The following ME3 variants were observed in gnomAD, a reference collection of about 807,000 sequenced individuals.
The protein encoded by ME3 is NADP-dependent malic enzyme, mitochondrial.
A neutral mutation model predicts 68.9 loss-of-function variants in ME3; 48 were observed. The ratio of observed to expected loss-of-function variants is 0.70; its 90% CI spans 0.55 to 0.89. The LOEUF (loss-of-function observed/expected upper bound fraction) is 0.89. ME3 is among the 40% of genes least tolerant of loss of function. The pLI is 0.00. For missense variants in ME3, 675 were observed against 797.4 expected, an observed-to-expected ratio of 0.85 and a Z score of 1.85; for synonymous variants, 320 against 318.8, an observed-to-expected ratio of 1.00 and a Z score of -0.04.
At chr11:86,602,856 T>C (rs1416867688) in intron 2 of ME3, among the ~76,000 whole-genome samples, 1 of 152,144 alleles carries the variant, frequency 6.6e-6, no homozygotes, top group African/African-American at 2.4e-5. Flanking sequence ...GGGAAAGGAT[T>C]CCCTATTTAA....
chr11:86,607,028 T>C (rs528440241), intron 2 of ME3, among the ~76,000 whole-genome samples: 78 of 152,326 alleles, frequency 5.1e-4, no homozygotes, highest in African/African-American at 1.7e-3. Context: ...CTGATTTTCA[T>C]TGACACATTG....
intron 2 of ME3, among the ~76,000 whole-genome samples, chr11:86,654,838 C>G (rs200078655): frequency 2.6e-5 from 4 of 152,102 alleles, no homozygotes; most frequent in Admixed American, 2.6e-4. Context: ...GATTGTATAT[C>G]TAGAAAACCC....
At chr11:86,559,294 A>G (rs1037111632) in intron 3 of ME3, among the ~76,000 whole-genome samples, 1 of 150,840 alleles carries the variant, frequency 6.6e-6, no homozygotes, top group Admixed American at 6.6e-5. Flanking sequence ...GCCACGTACT[A>G]CTTCCTTAAC....
At chr11:86,633,778 C>G (rs1210975336) in intron 2 of ME3, among the ~76,000 whole-genome samples, 3 of 152,160 alleles carry the variant, frequency 2.0e-5, no homozygotes, top group Non-Finnish European at 4.4e-5. Context: ...ACTTCACAGA[C>G]AGAAGCATCT....
At chr11:86,525,008 AG>A (rs1311806695) in intron 4 of ME3, among the ~76,000 whole-genome samples, 1 of 152,202 alleles carries the variant, frequency 6.6e-6, no homozygotes, top group African/African-American at 2.4e-5. Flanking sequence ...GAAATGATTG[AG>A]AAAAGATGTG....
At chr11:86,629,656 T>C (rs541129922) in intron 2 of ME3, among the ~76,000 whole-genome samples, 1 of 152,320 alleles carries the variant, frequency 6.6e-6, no homozygotes, top group East Asian at 1.9e-4. Context: ...TTGGGTATCT[T>C]CTGTGTCTTG....
chr11:86,537,331 T>C (rs564483076), intron 4 of ME3, among the ~76,000 whole-genome samples: 95 of 151,062 alleles, frequency 6.3e-4, no homozygotes, highest in African/African-American at 2.2e-3. Flanking sequence ...ATATTATATA[T>C]AATATTAAAT....
At chr11:86,642,540 TTAAAA>T (rs1361005235) in intron 2 of ME3, among the ~76,000 whole-genome samples, 1 of 152,192 alleles carries the variant, frequency 6.6e-6, no homozygotes, top group Admixed American at 6.5e-5. Flanking sequence ...AATACAATTC[TTAAAA>T]TAAAGATTTG....
chr11:86,573,254 C>A (rs909473059), intron 2 of ME3, among the ~76,000 whole-genome samples: 3 of 152,050 alleles, frequency 2.0e-5, no homozygotes, highest in Admixed American at 6.6e-5. Flanking sequence ...ATGATAGTTT[C>A]CTTTGCTGTT....
intron 2 of ME3, among the ~76,000 whole-genome samples, chr11:86,650,756 T>C (rs1014541943): frequency 6.6e-6 from 1 of 152,010 alleles, no homozygotes. Flanking sequence ...TGCAGGACAG[T>C]GGGTGCAGCA....
At chr11:86,448,883 A>C (rs1367689072) in intron 10 of ME3, among the ~76,000 whole-genome samples, 1 of 152,208 alleles carries the variant, frequency 6.6e-6, no homozygotes, top group Non-Finnish European at 1.5e-5. Context: ...ACCAGTGCAA[A>C]GATGTCAGCT....
intron 2 of ME3, chr11:86,667,694 A>G (rs1214483081): frequency 6.6e-6 from 1 of 152,212 alleles, no homozygotes; most frequent in Admixed American, 6.5e-5. Flanking sequence ...TAAGACAAAT[A>G]GGAGGGGACT....
chr11:86,515,542 CTG>C (rs1185796828), intron 4 of ME3, among the ~76,000 whole-genome samples: 2 of 152,160 alleles, frequency 1.3e-5, no homozygotes, highest in Non-Finnish European at 2.9e-5. Flanking sequence ...ACGGGAATGA[CTG>C]TGAGAATCAA....
At position 86,618,556 on chromosome 11, in the gene ME3, T is replaced by C. The variant is rs531044624; in HGVS notation, c.183+53206A>G. Among the ~76,000 whole-genome samples the C allele has an allele frequency of 9.2e-5, 14 of 152,192 alleles. No individual in the cohort carries two copies. The South Asian group carries it at 2.7e-3, about 29-fold the overall frequency. ...AGCCTTGAAGCTGGTCACAATTGTTTCTGATATAATTTGGATATTTGTCCC... is the reference window on the plus strand; with the variant it reads ...AGCCTTGAAGCTGGTCACAATTGTTCCTGATATAATTTGGATATTTGTCCC... On this transcript the variant is annotated intron_variant, in intron 2 of 14. Coordinates refer to ENST00000543262, the Ensembl canonical transcript of ME3.
chr11:86,451,760 A>T (rs1044230296), intron 8 of ME3, among the ~76,000 whole-genome samples: 1 of 152,238 alleles, frequency 6.6e-6, no homozygotes, highest in East Asian at 1.9e-4. Context: ...ACCATCATCT[A>T]TGGATGTTTG....
At chr11:86,665,423 T>C (rs1406886761) in intron 2 of ME3, among the ~76,000 whole-genome samples, 1 of 151,972 alleles carries the variant, frequency 6.6e-6, no homozygotes, top group Non-Finnish European at 1.5e-5. Flanking sequence ...AGGGGTGGTG[T>C]GCTCTAGGAA....
chr11:86,440,428 G>A (rs1175704046), downstream of ME3, among the ~76,000 whole-genome samples: 1 of 152,138 alleles, frequency 6.6e-6, no homozygotes, highest in Non-Finnish European at 1.5e-5. Flanking sequence ...AACTACTTCA[G>A]AGAGTGAAGG....
intron 6 of ME3, among the ~76,000 whole-genome samples, chr11:86,496,711 C>A (rs1329163311): frequency 1.3e-5 from 2 of 152,164 alleles, no homozygotes; most frequent in Non-Finnish European, 2.9e-5. Flanking sequence ...AAGTGCCCAA[C>A]TGTGGGGGTT....
chr11:86,625,108 C>T lies in ME3; in HGVS notation c.183+46654G>A, dbSNP rs189167422. 2.9e-4 allele frequency among the ~76,000 whole-genome samples: 44 copies of T among 152,162 alleles called. No homozygotes were observed. The East Asian group carries it at 5.4e-3, about 19-fold the overall frequency. On this transcript the variant is annotated intron_variant, in intron 2 of 14. Transcript: ENST00000543262. ...TAATTAAATATTTTTCTTTAGTATT[C>T]TCATTATAAAATAACCAATTACTTA...
Sources: allele counts gnomAD v4.1 joint callset (sites outside exome capture counted in the v4.1 genomes callset), GRCh38; gene constraint gnomAD v4.1.1; transcripts MANE v1.5; gene names NCBI Gene and HGNC (gene_info 2026-07-23, HGNC 2026-07-21).